The following RALY variants were observed in gnomAD, a reference collection of about 807,000 sequenced individuals.
The protein encoded by RALY is RALY heterogeneous nuclear ribonucleoprotein, also known as RNA-binding protein Raly.
A neutral mutation model predicts 30.7 loss-of-function variants in RALY; 15 were observed. That is an observed-to-expected ratio of 0.49 (90% confidence interval 0.33 to 0.75). The LOEUF is 0.75. Ranked by LOEUF, RALY falls within the 30% of genes least tolerant of loss-of-function variation. RALY has a pLI of 0.02. For missense variants in RALY, 339 were observed against 414.3 expected (o/e 0.82, Z 1.58); for synonymous variants, 177 against 170.8 (o/e 1.04, Z -0.28).
intron 1 of RALY, among the ~76,000 whole-genome samples, chr20:34,006,046 TAAAC>T (rs537659964): frequency 1.4e-4 from 21 of 152,180 alleles, no homozygotes; most frequent in Non-Finnish European, 2.6e-4. Context: ...AAAGATGCTA[TAAAC>T]AAACAAAAGA....
Position 34,072,050 on chromosome 20 carries a change from G to A in RALY, c.-9-16G>A. On this transcript the variant is annotated splice_polypyrimidine_tract_variant and intron_variant, in intron 2 of 9. Transcript: ENST00000246194. The stretch of plus-strand genomic sequence containing the variant: ...CAGCCCAGGGACCCAGCTTCACCGA[G>A]GCTCTTTTTCTTCAGGTGGGCACCA... 6.2e-7 allele frequency: 1 copy of A among 1,610,010 alleles called. No individual in the cohort carries two copies. The highest frequency in any genetic ancestry group is 8.5e-7 in the Non-Finnish European group (1 of 1,177,612).
At chr20:34,045,297 G>A (rs1230939166) in intron 2 of RALY, among the ~76,000 whole-genome samples, 1 of 152,180 alleles carries the variant, frequency 6.6e-6, no homozygotes, top group Non-Finnish European at 1.5e-5. Flanking sequence ...AGAAAGATAA[G>A]CAGGAGTAAA....
At chr20:34,078,334 C>G (rs1289104530) in intron 8 of RALY, among the ~76,000 whole-genome samples, 171 bp from the exon 9 acceptor site, 1 of 152,252 alleles carries the variant, frequency 6.6e-6, no homozygotes, top group Non-Finnish European at 1.5e-5. Context: ...AGTTCCCAAG[C>G]CAGCTTTGTT....
intron 1 of RALY, among the ~76,000 whole-genome samples, chr20:34,023,625 CAT>C (rs1382777989): frequency 9.9e-5 from 15 of 152,036 alleles, no homozygotes; most frequent in Admixed American, 8.5e-4. Flanking sequence ...CAGGGGCTCT[CAT>C]GTGGAGCTAA....
intron 2 of RALY, among the ~76,000 whole-genome samples, chr20:34,044,018 A>G (rs1292452555): frequency 1.3e-5 from 2 of 152,016 alleles, no homozygotes; most frequent in African/African-American, 4.8e-5. Context: ...GCATTTGGTA[A>G]TTATGAAGGG....
At position 34,064,058 on chromosome 20, in the gene RALY, C is replaced by T. The variant is rs115080109; in HGVS notation, c.-9-8008C>T. Among the ~76,000 whole-genome samples, 35 of 152,104 alleles carry T rather than the reference C, an allele frequency of 2.3e-4. No homozygotes were observed. The East Asian group carries it at 2.5e-3, about 11-fold the overall frequency. On this transcript the variant is annotated intron_variant, in intron 2 of 9. Transcript: ENST00000246194. ...ATAATACCTGGCCCATAATTAGCTCCGTGTTTGGATATTTATAATTACAAT... is the reference window on the plus strand; with the variant it reads ...ATAATACCTGGCCCATAATTAGCTCTGTGTTTGGATATTTATAATTACAAT...
At chr20:34,022,091 TTTC>T (rs1855572878) in intron 1 of RALY, among the ~76,000 whole-genome samples, 1 of 148,486 alleles carries the variant, frequency 6.7e-6, no homozygotes, top group African/African-American at 2.5e-5. Flanking sequence ...TCTTTCTTTC[TTTC>T]TTTTTTTTTT....
chr20:34,003,645 T>TTTG (rs1380581183), intron 1 of RALY, among the ~76,000 whole-genome samples: 5 of 145,028 alleles, frequency 3.4e-5, no homozygotes, highest in African/African-American at 1.3e-4. Flanking sequence ...TTTTTTTTTT[T>TTTG]TTTTTTTTTT....
chr20:34,067,192 CTTTTCTTT>C (rs1443664709), intron 2 of RALY, among the ~76,000 whole-genome samples: 2 of 152,114 alleles, frequency 1.3e-5, no homozygotes, highest in South Asian at 2.1e-4. Context: ...AGTGGCCGTC[CTTTTCTTT>C]TTTTCTTTTT....
Position 34,039,022 on chromosome 20 carries a change from A to G in RALY, c.-10+7418A>G, listed in dbSNP as rs1601453985. On this transcript the variant is annotated intron_variant, in intron 2 of 9. Coordinates refer to ENST00000246194, the MANE Select transcript of RALY (RefSeq NM_016732.3). ...CCTCTTTTTCCTCAGTTCTACAAACAGGGAATGAGGTAGAAAGTTGGTCTG... is the reference window on the plus strand; with the variant it reads ...CCTCTTTTTCCTCAGTTCTACAAACGGGGAATGAGGTAGAAAGTTGGTCTG... Among the ~76,000 whole-genome samples, 3 of 152,306 alleles carry G rather than the reference A, an allele frequency of 2.0e-5. No homozygotes were observed. The East Asian group carries it at 5.8e-4, about 29-fold the overall frequency.
At chr20:34,058,441 A>G (rs1356900200) in intron 2 of RALY, among the ~76,000 whole-genome samples, 1 of 152,176 alleles carries the variant, frequency 6.6e-6, no homozygotes, top group East Asian at 1.9e-4. Context: ...AACAAGGGAC[A>G]GTGTCTAAGC....
intron 1 of RALY, among the ~76,000 whole-genome samples, chr20:34,001,317 G>C (rs930816290): frequency 2.0e-5 from 3 of 152,152 alleles, no homozygotes; most frequent in African/African-American, 7.2e-5. Flanking sequence ...AAAAACACTA[G>C]ACCAGAAACT....
intron 3 of RALY, 48 bp downstream of exon 3, chr20:34,072,378 C>A: frequency 6.4e-7 from 1 of 1,572,720 alleles, no homozygotes; most frequent in South Asian, 1.1e-5. Context: ...AGAATAGCTG[C>A]TATCACTATC....
chr20:34,059,098 G>A (rs1054720993), intron 2 of RALY, among the ~76,000 whole-genome samples: 3 of 152,142 alleles, frequency 2.0e-5, no homozygotes, highest in Admixed American at 2.0e-4. Context: ...GTTATGTTTG[G>A]ATCAGCACCC....
At chr20:34,047,869 A>G (rs1449530092) in intron 2 of RALY, among the ~76,000 whole-genome samples, 1 of 152,202 alleles carries the variant, frequency 6.6e-6, no homozygotes, top group Non-Finnish European at 1.5e-5. Flanking sequence ...CAGCAACGTC[A>G]GCACTGCTCT....
chr20:34,018,811 T>C (rs996611948), intron 1 of RALY, among the ~76,000 whole-genome samples: 1 of 152,202 alleles, frequency 6.6e-6, no homozygotes, highest in Non-Finnish European at 1.5e-5. Context: ...CATCCGGAGA[T>C]GGAGCTCCTA....
chr20:34,084,186 G>C lies in RALY; in HGVS notation c.*4281G>C, dbSNP rs1001919889. The C allele has an allele frequency of 8.5e-5, 13 of 152,186 alleles. No individual in the cohort carries two copies. The highest frequency in any genetic ancestry group is 3.1e-4 in the African/African-American group (13 of 41,434). The allele number at this position is 152,186 out of a possible 1,614,324, so 9.4% of individuals were successfully genotyped here. A position where few individuals can be genotyped will look rare whatever the true frequency, so the allele number is the denominator to read the frequency against. On this transcript the variant is annotated 3_prime_UTR_variant, in exon 10 of 10. Transcript: ENST00000246194. The stretch of plus-strand genomic sequence containing the variant: ...TCGAGAATCCGGTTAGCCAGGCATG[G>C]TGACACGTGCCTGTAGTCCCCGCTA...
At chr20:34,032,232 G>C (rs1468480666) in intron 2 of RALY, among the ~76,000 whole-genome samples, 1 of 152,100 alleles carries the variant, frequency 6.6e-6, no homozygotes, top group East Asian at 1.9e-4. Context: ...CAAAGTGTTG[G>C]GATTACAAGC....
intron 2 of RALY, among the ~76,000 whole-genome samples, chr20:34,044,119 A>G (rs1168973604): frequency 6.6e-6 from 1 of 152,146 alleles, no homozygotes; most frequent in Non-Finnish European, 1.5e-5. Context: ...AGTCCATTGT[A>G]GCCAGAGTAT....
Sources: allele counts gnomAD v4.1 joint callset (sites outside exome capture counted in the v4.1 genomes callset), GRCh38; gene constraint gnomAD v4.1.1; transcripts MANE v1.5; gene names NCBI Gene and HGNC (gene_info 2026-07-23, HGNC 2026-07-21).